Variants in GDAP1 observed in about 807,000 individuals in gnomAD.
GDAP1 encodes the protein ganglioside-induced differentiation-associated protein 1.
In GDAP1, 34 loss-of-function variants were observed where a neutral mutation model predicts 40.1. The observed-to-expected ratio is 0.85, with a 90% CI of 0.64 to 1.13. The LOEUF (loss-of-function observed/expected upper bound fraction) is 1.13, where lower values mean the gene tolerates loss of function less well. Ranked by LOEUF, GDAP1 falls within the 50% of genes most tolerant of loss-of-function variation. GDAP1 has a pLI of 0.00. For synonymous variants in GDAP1, 170 were observed against 157.4 expected, an observed-to-expected ratio of 1.08 and a Z score of -0.60; for missense variants, 374 against 433.7, an observed-to-expected ratio of 0.86 and a Z score of 1.22.
intron 2 of GDAP1, among the ~76,000 whole-genome samples, chr8:74,473,374 C>T (rs1318916891): frequency 1.3e-5 from 2 of 152,244 alleles, no homozygotes; most frequent in African/African-American, 2.4e-5. Context: ...TCTGTCCATT[C>T]CTGTGTCCAG....
At chr8:74,431,186 T>G (rs1806020558) in intron 2 of GDAP1, among the ~76,000 whole-genome samples, 1 of 150,094 alleles carries the variant, frequency 6.7e-6, no homozygotes, top group Admixed American at 6.7e-5. Context: ...AAAAATGATG[T>G]ATGATATTTA....
chr8:74,436,313 G>C (rs1806087643), intron 2 of GDAP1, among the ~76,000 whole-genome samples: 1 of 152,178 alleles, frequency 6.6e-6, no homozygotes, highest in Non-Finnish European at 1.5e-5. Flanking sequence ...AGAAAACTGA[G>C]GATATCTGGG....
chr8:74,369,447 T>C (rs191121921), downstream of GDAP1, among the ~76,000 whole-genome samples: 57 of 152,144 alleles, frequency 3.7e-4, no homozygotes, highest in Non-Finnish European at 7.6e-4. Context: ...CAAATGGAAA[T>C]TTTAGAAAAT....
intron 2 of GDAP1, among the ~76,000 whole-genome samples, chr8:74,419,521 C>T (rs1242483618): frequency 1.3e-5 from 2 of 152,190 alleles, no homozygotes; most frequent in East Asian, 1.9e-4. Flanking sequence ...AATTGGGATG[C>T]TTGCTTTTCT....
At chr8:74,423,166 A>G (rs1805901250) in intron 2 of GDAP1, among the ~76,000 whole-genome samples, 1 of 147,472 alleles carries the variant, frequency 6.8e-6, no homozygotes, top group Non-Finnish European at 1.5e-5. Flanking sequence ...AATCTGTGTA[A>G]AATAGTATGT....
At chr8:74,403,282 A>G (rs1474312056) in intron 2 of GDAP1, among the ~76,000 whole-genome samples, 1 of 150,180 alleles carries the variant, frequency 6.7e-6, no homozygotes, top group South Asian at 2.1e-4. Context: ...TACCAATTTC[A>G]TTACAGTATT....
At chr8:74,426,957 G>T (rs1805955048) in intron 2 of GDAP1, among the ~76,000 whole-genome samples, 1 of 152,178 alleles carries the variant, frequency 6.6e-6, no homozygotes, top group Non-Finnish European at 1.5e-5. Flanking sequence ...GTGGTAGATT[G>T]TTATAACCAT....
intron 2 of GDAP1, among the ~76,000 whole-genome samples, chr8:74,441,160 C>T (rs1240055598): frequency 6.6e-6 from 1 of 152,042 alleles, no homozygotes; most frequent in Non-Finnish European, 1.5e-5. Context: ...GATTTGTGCT[C>T]AGTAGGTAGG....
intron 2 of GDAP1, among the ~76,000 whole-genome samples, chr8:74,440,311 CATAA>C (rs1806147714): frequency 6.6e-6 from 1 of 152,100 alleles, no homozygotes; most frequent in South Asian, 2.1e-4. Context: ...GGGGTATGGT[CATAA>C]ATTTTAATAG....
chr8:74,422,295 TTC>T (rs1263891741), intron 2 of GDAP1, among the ~76,000 whole-genome samples: 1 of 31,016 alleles, frequency 3.2e-5, no homozygotes, highest in Non-Finnish European at 5.8e-5. Flanking sequence ...TTTTCTTTCT[TTC>T]TTTCTTTCTT....
chr8:74,473,659 C>T (rs911931565), intron 2 of GDAP1, among the ~76,000 whole-genome samples: 2 of 151,960 alleles, frequency 1.3e-5, no homozygotes, highest in African/African-American at 4.8e-5. Flanking sequence ...GTTCCATTGG[C>T]CTCTGTGTCT....
chr8:74,374,616 A>G (rs1809820311), intron 2 of GDAP1, among the ~76,000 whole-genome samples: 1 of 152,234 alleles, frequency 6.6e-6, no homozygotes, highest in African/African-American at 2.4e-5. Flanking sequence ...AAATCAAGAA[A>G]TACATAGAGA....
intron 2 of GDAP1, among the ~76,000 whole-genome samples, chr8:74,391,188 G>A (rs368148342): frequency 2.3e-4 from 35 of 149,062 alleles, no homozygotes; most frequent in Admixed American, 4.7e-4. Flanking sequence ...GGTAGTGAAC[G>A]GTTCGGTCTC....
At chr8:74,483,264 A>G (rs1251865558) in intron 2 of GDAP1, among the ~76,000 whole-genome samples, 1 of 152,190 alleles carries the variant, frequency 6.6e-6, no homozygotes, top group African/African-American at 2.4e-5. Flanking sequence ...ATATTCTTAC[A>G]GAGGAATAAG....
intron 3 of GDAP1, among the ~76,000 whole-genome samples, chr8:74,360,763 ATAG>A (rs1254226126): frequency 6.6e-6 from 1 of 152,208 alleles, no homozygotes; most frequent in African/African-American, 2.4e-5. Context: ...ATGTTCAGTG[ATAG>A]TAGATTTATT....
intron 2 of GDAP1, among the ~76,000 whole-genome samples, chr8:74,433,166 C>G (rs9942791): frequency 6.6e-6 from 1 of 152,200 alleles, no homozygotes; most frequent in Non-Finnish European, 1.5e-5. Flanking sequence ...GGAGCCTTTC[C>G]TGATCATCCT....
intron 2 of GDAP1, among the ~76,000 whole-genome samples, chr8:74,480,263 A>C (rs181544011): frequency 1.8e-3 from 267 of 152,174 alleles, no homozygotes; most frequent in African/African-American, 6.3e-3. Flanking sequence ...CTGAGATTAC[A>C]AGTGTGAGCC....
intron 2 of GDAP1, among the ~76,000 whole-genome samples, chr8:74,351,876 G>T (rs1456762987): frequency 6.6e-6 from 1 of 152,154 alleles, no homozygotes; most frequent in Non-Finnish European, 1.5e-5. Flanking sequence ...TCTTAAAGGA[G>T]AATAGAATGT....
intron 2 of GDAP1, among the ~76,000 whole-genome samples, chr8:74,392,127 T>C (rs1810119685): frequency 6.6e-6 from 1 of 152,184 alleles, no homozygotes. Flanking sequence ...CCAGTTATTT[T>C]TATTTAATAA....
Sources: allele counts gnomAD v4.1 joint callset (sites outside exome capture counted in the v4.1 genomes callset), GRCh38; gene constraint gnomAD v4.1.1; transcripts MANE v1.5; gene names NCBI Gene and HGNC (gene_info 2026-07-23, HGNC 2026-07-21).